The following GABRB1 variants were observed in gnomAD, a reference collection of about 807,000 sequenced individuals.
GABRB1 encodes the protein gamma-aminobutyric acid type A receptor subunit beta1, also known as gamma-aminobutyric acid receptor subunit beta-1.
Under a neutral mutation model 51.6 loss-of-function variants are expected in GABRB1, and 17 were observed. The ratio of observed to expected loss-of-function variants is 0.33; its 90% CI spans 0.23 to 0.49. The LOEUF is 0.49. GABRB1 is among the 20% of genes least tolerant of loss of function. The pLI is 0.99. For missense variants in GABRB1, 410 were observed against 600.6 expected, an observed-to-expected ratio of 0.68 and a Z score of 3.32; for synonymous variants, 247 against 218.9, an observed-to-expected ratio of 1.13 and a Z score of -1.14.
At chr4:47,151,364 CAAATCAT>C (rs1390531510) in intron 3 of GABRB1, among the ~76,000 whole-genome samples, 1 of 152,068 alleles carries the variant, frequency 6.6e-6, no homozygotes, top group East Asian at 1.9e-4. Context: ...TACAAAATCA[CAAATCAT>C]AAGACTGCCT....
intron 4 of GABRB1, among the ~76,000 whole-genome samples, chr4:47,248,964 G>A (rs1258071692): frequency 4.6e-5 from 7 of 151,732 alleles, no homozygotes; most frequent in South Asian, 2.1e-4. Context: ...CCAGCTTTTC[G>A]TTTCATTCAT....
chr4:47,227,947 G>T (rs1353449061), intron 4 of GABRB1, among the ~76,000 whole-genome samples: 2 of 152,064 alleles, frequency 1.3e-5, no homozygotes, highest in Admixed American at 1.3e-4. Flanking sequence ...TACCTGATTG[G>T]ATTAGCACCC....
chr4:47,421,407 A>T (rs76388400), intron 8 of GABRB1, among the ~76,000 whole-genome samples: 24,078 of 152,010 alleles, frequency 0.16, 2,712 homozygotes, highest in African/African-American at 0.3. Flanking sequence ...GATTCATAAT[A>T]ATGTAACTTA....
intron 3 of GABRB1, among the ~76,000 whole-genome samples, chr4:47,103,050 G>T (rs1049541896): frequency 8.6e-5 from 13 of 151,986 alleles, no homozygotes; most frequent in Non-Finnish European, 4.4e-5. Flanking sequence ...CATATGGAAT[G>T]CAGAGGATGA....
chr4:47,288,050 C>A (rs1076016), intron 4 of GABRB1, among the ~76,000 whole-genome samples: 86,741 of 151,866 alleles, frequency 0.57, 25,056 homozygotes, highest in East Asian at 0.68. Context: ...TTTGTTGGCT[C>A]GCAAAATCTG....
chr4:47,237,158 C>A (rs2165612), intron 4 of GABRB1, among the ~76,000 whole-genome samples: 4 of 151,998 alleles, frequency 2.6e-5, no homozygotes, highest in Non-Finnish European at 5.9e-5. Context: ...AATTTTTAAA[C>A]ATCAAAAATG....
chr4:47,153,640 A>G (rs7689895), intron 3 of GABRB1, among the ~76,000 whole-genome samples: 130,749 of 151,990 alleles, frequency 0.86, 56,260 homozygotes, highest in African/African-American at 0.9. Context: ...CAGTTGGCAT[A>G]TCAGTGTCAT....
chr4:47,399,109 T>C (rs1728292837), intron 5 of GABRB1, among the ~76,000 whole-genome samples: 1 of 152,236 alleles, frequency 6.6e-6, no homozygotes, highest in South Asian at 2.1e-4. Flanking sequence ...ATTTATTGAA[T>C]AATGTTTTTT....
At chr4:47,176,063 C>T (rs950219805) in intron 4 of GABRB1, among the ~76,000 whole-genome samples, 27 of 152,002 alleles carry the variant, frequency 1.8e-4, no homozygotes, top group African/African-American at 6.0e-4. Flanking sequence ...TCTAAATGAA[C>T]GTTGAAAATA....
intron 4 of GABRB1, among the ~76,000 whole-genome samples, chr4:47,288,249 T>C (rs982616934): frequency 6.7e-6 from 1 of 150,166 alleles, no homozygotes; most frequent in South Asian, 2.1e-4. Context: ...ATTACTATTA[T>C]TATTATTATT....
At chr4:47,302,220 G>A (rs1028488561) in intron 4 of GABRB1, among the ~76,000 whole-genome samples, 13 of 152,086 alleles carry the variant, frequency 8.5e-5, no homozygotes, top group African/African-American at 3.1e-4. Flanking sequence ...TATATGTAAA[G>A]TGCTTAGTAC....
intron 5 of GABRB1, among the ~76,000 whole-genome samples, chr4:47,377,115 T>C (rs1727411325): frequency 6.6e-6 from 1 of 152,196 alleles, no homozygotes; most frequent in Non-Finnish European, 1.5e-5. Context: ...ACATAGTAGA[T>C]ACGCAGTGAA....
At chr4:47,204,285 G>A (rs10034675) in intron 4 of GABRB1, among the ~76,000 whole-genome samples, 130,770 of 152,102 alleles carry the variant, frequency 0.86, 56,235 homozygotes, top group Middle Eastern at 0.92. Context: ...TTTGAAGATC[G>A]AAATCAGAAG....
intron 3 of GABRB1, among the ~76,000 whole-genome samples, chr4:47,113,844 T>G (rs1426064586): frequency 1.3e-5 from 2 of 152,218 alleles, no homozygotes; most frequent in African/African-American, 2.4e-5. Context: ...CGCAGTTCTG[T>G]TTTCAATTTA....
chr4:47,094,513 G>A (rs1246155871), intron 3 of GABRB1, among the ~76,000 whole-genome samples: 2 of 151,838 alleles, frequency 1.3e-5, no homozygotes, highest in African/African-American at 2.4e-5. Flanking sequence ...ATAAGCCACC[G>A]CACCCAGCCC....
chr4:47,215,821 TG>T (rs1720532544), intron 4 of GABRB1, among the ~76,000 whole-genome samples: 1 of 152,104 alleles, frequency 6.6e-6, no homozygotes, highest in Non-Finnish European at 1.5e-5. Context: ...CACCCTAGAA[TG>T]GTCTTGGAAT....
chr4:47,046,911 T>C (rs940917558), intron 3 of GABRB1, among the ~76,000 whole-genome samples: 1 of 152,116 alleles, frequency 6.6e-6, no homozygotes, highest in Non-Finnish European at 1.5e-5. Context: ...AAATACGGCA[T>C]GTTTTCAGTC....
chr4:47,130,608 A>G (rs972980704), intron 3 of GABRB1, among the ~76,000 whole-genome samples: 1 of 151,922 alleles, frequency 6.6e-6, no homozygotes. Flanking sequence ...CTTCTTATAC[A>G]CTTTTACAGA....
intron 4 of GABRB1, among the ~76,000 whole-genome samples, chr4:47,280,125 A>T (rs1159213118): frequency 1.3e-5 from 2 of 151,434 alleles, no homozygotes; most frequent in Non-Finnish European, 2.9e-5. Context: ...CCTTCTGTAG[A>T]GGTATGCTTT....
Sources: allele counts gnomAD v4.1 joint callset (sites outside exome capture counted in the v4.1 genomes callset), GRCh38; gene constraint gnomAD v4.1.1; transcripts MANE v1.5; gene names NCBI Gene and HGNC (gene_info 2026-07-23, HGNC 2026-07-21).